ARMC3: variants seen among roughly 807,000 people sequenced by gnomAD.
The protein encoded by ARMC3 is armadillo repeat containing 3.
Under a neutral mutation model 90.3 loss-of-function variants are expected in ARMC3, and 74 were observed. The ratio of observed to expected loss-of-function variants is 0.82; its 90% CI spans 0.68 to 0.99. The LOEUF (loss-of-function observed/expected upper bound fraction) is 0.99, where lower values mean the gene tolerates loss of function less well. Among genes scored for constraint, ARMC3 ranks in the 50% least tolerant of loss-of-function variants. The pLI, the probability that ARMC3 is intolerant of heterozygous loss-of-function variation, is 0.00. For synonymous variants in ARMC3, 334 were observed against 361.8 expected (o/e 0.92, Z 0.87); for missense variants, 958 against 1,042.8 (o/e 0.92, Z 1.12).
At chr10:22,992,424 C>G (rs1824852) in intron 10 of ARMC3, among the ~76,000 whole-genome samples, 134,996 of 151,844 alleles carry the variant, frequency 0.89, 60,493 homozygotes, top group African/African-American at 0.96. Context: ...TAGCATTTTG[C>G]GGGGGGCATT....
chr10:22,937,515 C>T (rs913728480), intron 2 of ARMC3, among the ~76,000 whole-genome samples: 1 of 152,090 alleles, frequency 6.6e-6, no homozygotes, highest in Non-Finnish European at 1.5e-5. Context: ...GGGAAGTGCC[C>T]TAAGTGGTGA....
chr10:22,969,179 G>C (rs1452643649), intron 8 of ARMC3, among the ~76,000 whole-genome samples: 1 of 152,096 alleles, frequency 6.6e-6, no homozygotes, highest in East Asian at 1.9e-4. Flanking sequence ...ATGTTACATA[G>C]CTGTGAAAAA....
intron 16 of ARMC3, among the ~76,000 whole-genome samples, chr10:23,026,904 T>G (rs1166873968): frequency 6.6e-6 from 1 of 152,158 alleles, no homozygotes; most frequent in Non-Finnish European, 1.5e-5. Flanking sequence ...CTTTTGCACC[T>G]TTGTCAAAAA....
At position 22,959,477 on chromosome 10, in the gene ARMC3, T is replaced by G; in HGVS notation, c.440T>G (p.Phe147Cys). The change falls in exon 6 of 19, where the codon TTT (phenylalanine) becomes TGT (cysteine). Residue 147 changes from phenylalanine to cysteine, a missense_variant. Phe to Cys is a radical substitution (Grantham distance 205). Transcript: ENST00000298032. ...SAEYTSKVQI[F>C]EHGGLEPLIR... ...GAGTACACCAGTAAAGTGCAAATAT[T>G]TGAACATGGGGGATTAGAGCCACTC... The G allele has an allele frequency of 1.2e-6, 2 of 1,613,974 alleles. No individual in the cohort carries two copies. Among genetic ancestry groups the G allele is most frequent in the Non-Finnish European group, 1.7e-6 (2 of 1,179,958 alleles).
chr10:23,001,682 T>TA (rs1384228015), intron 11 of ARMC3, among the ~76,000 whole-genome samples: 1 of 152,142 alleles, frequency 6.6e-6, no homozygotes, highest in East Asian at 1.9e-4. Flanking sequence ...CCGTCCCACG[T>TA]AAAATCAGGA....
chr10:22,958,980 T>C (rs1588843656), intron 4 of ARMC3, 90 bp from the exon 5 acceptor site: 1 of 1,079,356 alleles, frequency 9.3e-7, no homozygotes, highest in Non-Finnish European at 1.4e-6. Context: ...GCCTCAGCCT[T>C]TCAAAGTGCT....
At chr10:22,932,775 C>T (rs1267740099) in intron 2 of ARMC3, among the ~76,000 whole-genome samples, 1 of 152,202 alleles carries the variant, frequency 6.6e-6, no homozygotes, top group African/African-American at 2.4e-5. Context: ...TTGAAGGAAA[C>T]TGGGCTAATG....
chr10:22,951,889 G>C (rs1032974163), intron 3 of ARMC3, among the ~76,000 whole-genome samples: 2 of 152,148 alleles, frequency 1.3e-5, no homozygotes, highest in Admixed American at 6.5e-5. Context: ...TCGGAACTTT[G>C]AGAGGCTGAG....
chr10:22,950,887 G>A (rs577540531), intron 3 of ARMC3, among the ~76,000 whole-genome samples: 1 of 150,434 alleles, frequency 6.6e-6, no homozygotes, highest in South Asian at 2.1e-4. Flanking sequence ...AGATAAAGAA[G>A]GTCATTTTAT....
At chr10:23,022,097 T>C (rs542525009) in intron 16 of ARMC3, among the ~76,000 whole-genome samples, 4 of 152,236 alleles carry the variant, frequency 2.6e-5, no homozygotes, top group Non-Finnish European at 5.9e-5. Context: ...ATAGAGTGTT[T>C]ACATACATAA....
At chr10:23,035,297 C>A (rs1014936051) in intron 18 of ARMC3, among the ~76,000 whole-genome samples, 1 of 152,130 alleles carries the variant, frequency 6.6e-6, no homozygotes, top group Non-Finnish European at 1.5e-5. Context: ...TTCCAAAGAC[C>A]CCCACCTCCA....
chr10:23,030,536 G>A, intron 16 of ARMC3, 60 bp from the exon 17 acceptor site: 1 of 1,548,856 alleles, frequency 6.5e-7, no homozygotes, highest in South Asian at 1.2e-5. Flanking sequence ...AAATGCAAGA[G>A]CAATTGTTTG....
intron 1 of ARMC3, among the ~76,000 whole-genome samples, chr10:22,931,402 G>A (rs1344531238): frequency 6.6e-6 from 1 of 152,134 alleles, no homozygotes; most frequent in Non-Finnish European, 1.5e-5. Context: ...TTTTTACTAA[G>A]CTGTGGATTA....
At chr10:22,929,149 C>T (rs567815917) in intron 1 of ARMC3, among the ~76,000 whole-genome samples, 14 of 151,832 alleles carry the variant, frequency 9.2e-5, no homozygotes, top group South Asian at 2.1e-4. Context: ...TCTCTTAAAC[C>T]TGGGAGGTGG....
At chr10:22,932,137 A>T (rs1040720123) in intron 2 of ARMC3, 93 bp downstream of exon 2, 83 of 1,022,046 alleles carry the variant, frequency 8.1e-5, no homozygotes, top group Non-Finnish European at 1.0e-4. Context: ...TATATACATG[A>T]ATACGCGGTG....
intron 17 of ARMC3, 115 bp from the exon 18 acceptor site, chr10:23,032,746 A>C: frequency 1.7e-6 from 2 of 1,148,476 alleles, no homozygotes. Flanking sequence ...AATAAAGCAC[A>C]ACAAAAATCA....
At chr10:22,968,025 T>C (rs1387957203) in intron 7 of ARMC3, among the ~76,000 whole-genome samples, 2 of 152,250 alleles carry the variant, frequency 1.3e-5, no homozygotes, top group Non-Finnish European at 2.9e-5. Flanking sequence ...TGCAGAAGAC[T>C]GTATGAGCAA....
chr10:22,968,526 A>G (rs1233781474), intron 8 of ARMC3, 37 bp downstream of exon 8: 1 of 1,503,172 alleles, frequency 6.7e-7, no homozygotes, highest in African/African-American at 1.4e-5. Context: ...TTGAGATAGG[A>G]TCTTGCTCTG....
intron 7 of ARMC3, among the ~76,000 whole-genome samples, chr10:22,966,671 T>A (rs1217212473): frequency 6.6e-6 from 1 of 152,158 alleles, no homozygotes; most frequent in Non-Finnish European, 1.5e-5. Context: ...AAAAGAGGTT[T>A]AAATGACTCA....
Sources: allele counts gnomAD v4.1 joint callset (sites outside exome capture counted in the v4.1 genomes callset), GRCh38; gene constraint gnomAD v4.1.1; transcripts MANE v1.5; gene names NCBI Gene and HGNC (gene_info 2026-07-23, HGNC 2026-07-21).